The following PPP2R5C variants were observed in gnomAD, a reference collection of about 807,000 sequenced individuals.
PPP2R5C encodes serine/threonine-protein phosphatase 2A 56 kDa regulatory subunit gamma isoform.
PPP2R5C carries 7 observed loss-of-function variants against 68.9 expected under a neutral mutation model. The ratio of observed to expected loss-of-function variants is 0.10; its 90% CI spans 0.06 to 0.19. The LOEUF (loss-of-function observed/expected upper bound fraction) is 0.19. Ranked by LOEUF, PPP2R5C falls within the 10% of genes least tolerant of loss-of-function variation. The probability of loss-of-function intolerance (pLI) is 1.00; values close to 1 mark genes in which losing one functional copy is unlikely to be tolerated. For missense variants in PPP2R5C, 348 were observed against 641.3 expected (o/e 0.54, Z 4.94); for synonymous variants, 210 against 222.2 (o/e 0.95, Z 0.49).
chr14:101,793,594 G>A (rs1050736316), intron 3 of PPP2R5C, among the ~76,000 whole-genome samples: 1 of 152,194 alleles, frequency 6.6e-6, no homozygotes, highest in African/African-American at 2.4e-5. Context: ...GTCTTCAGGG[G>A]TCCCTGTGAT....
intron 1 of PPP2R5C, among the ~76,000 whole-genome samples, chr14:101,815,234 G>A (rs2039587874): frequency 6.6e-6 from 1 of 152,168 alleles, no homozygotes; most frequent in African/African-American, 2.4e-5. Context: ...TTGAGCCTCA[G>A]TCAGTCTGAT....
chr14:101,770,154 C>A (rs576941611), intron 2 of PPP2R5C, among the ~76,000 whole-genome samples: 1 of 152,184 alleles, frequency 6.6e-6, no homozygotes, highest in African/African-American at 2.4e-5. Context: ...CATTATGTGG[C>A]AGTGACTGTA....
intron 12 of PPP2R5C, chr14:101,914,312 A>G (rs2141132143): frequency 2.5e-6 from 1 of 393,650 alleles, no homozygotes; most frequent in Non-Finnish European, 5.1e-6. Flanking sequence ...GTCGCATGGC[A>G]CATGGTCTCC....
chr14:101,836,190 G>A (rs1179589344), intron 1 of PPP2R5C: 7 of 702,792 alleles, frequency 1.0e-5, no homozygotes, highest in Non-Finnish European at 1.8e-5. Context: ...AAGCTGGGCA[G>A]GGTTTCAGCT....
At chr14:101,883,206 C>A in intron 3 of PPP2R5C, 51 bp from the exon 6 acceptor site, 4 of 1,284,858 alleles carry the variant, frequency 3.1e-6, no homozygotes, top group East Asian at 4.7e-5. Flanking sequence ...ATTTTAACCG[C>A]CATTCAATAA....
intron 3 of PPP2R5C, 49 bp downstream of exon 3, chr14:101,786,232 A>T (rs767953177): frequency 9.7e-6 from 14 of 1,442,846 alleles, no homozygotes; most frequent in Non-Finnish European, 1.3e-5. Flanking sequence ...GTTGGAGTGA[A>T]GGAGCAATGT....
At chr14:101,871,376 T>C (rs1483588434) in intron 2 of PPP2R5C, among the ~76,000 whole-genome samples, 1 of 152,100 alleles carries the variant, frequency 6.6e-6, no homozygotes, top group Admixed American at 6.5e-5. Context: ...CCCAAGTAGC[T>C]GGGACTACAG....
intron 2 of PPP2R5C, among the ~76,000 whole-genome samples, chr14:101,773,047 C>T (rs2037234782): frequency 6.6e-6 from 1 of 152,178 alleles, no homozygotes; most frequent in Non-Finnish European, 1.5e-5. Flanking sequence ...GCCGATTTCT[C>T]TGACATTGCG....
chr14:101,921,906 A>G, intron 13 of PPP2R5C: 1 of 877,556 alleles, frequency 1.1e-6, no homozygotes, highest in Non-Finnish European at 1.4e-6. Flanking sequence ...AGAACATTCA[A>G]AGAAAACTAG....
chr14:101,897,745 A>G (rs2045435238), intron 8 of PPP2R5C, among the ~76,000 whole-genome samples: 1 of 151,902 alleles, frequency 6.6e-6, no homozygotes, highest in African/African-American at 2.4e-5. Context: ...GCATCCTTCA[A>G]TCCAAACAAG....
At chr14:101,836,503 GCAGATAGTT>G in intron 1 of PPP2R5C, 2 of 597,892 alleles carry the variant, frequency 3.3e-6, no homozygotes, top group South Asian at 4.0e-5. Context: ...GCCAGGATCT[GCAGATAGTT>G]CTTTTTCAAA....
chr14:101,897,858 T>G (rs1386779343), intron 8 of PPP2R5C, among the ~76,000 whole-genome samples: 1 of 151,692 alleles, frequency 6.6e-6, no homozygotes, highest in Admixed American at 6.6e-5. Context: ...CTTTTCCTAT[T>G]CAAAAATAAA....
At chr14:101,849,539 T>C (rs184056532) in intron 1 of PPP2R5C, among the ~76,000 whole-genome samples, 45 of 146,880 alleles carry the variant, frequency 3.1e-4, no homozygotes, top group African/African-American at 1.1e-3. Context: ...GTTTTCTTAC[T>C]GAGTTATTGG....
At chr14:101,872,518 G>T (rs530404342) in intron 2 of PPP2R5C, among the ~76,000 whole-genome samples, 1 of 152,162 alleles carries the variant, frequency 6.6e-6, no homozygotes, top group Non-Finnish European at 1.5e-5. Context: ...GAGTACAGGG[G>T]TGAGCCTGGT....
chr14:101,858,515 G>A (rs892049773), intron 2 of PPP2R5C, among the ~76,000 whole-genome samples: 2 of 148,364 alleles, frequency 1.3e-5, no homozygotes, highest in African/African-American at 2.5e-5. Context: ...TTTGTTTTTT[G>A]TTTTTTTTTA....
At chr14:101,763,198 T>C (rs78982132) in intron 2 of PPP2R5C, among the ~76,000 whole-genome samples, 9,962 of 152,126 alleles carry the variant, frequency 0.065, 359 homozygotes, top group East Asian at 0.15. Flanking sequence ...TGGGGTTTGT[T>C]TGTGGGTCTT....
rs1000238857 is a variant in PPP2R5C at position 101,781,458 on chromosome 14, C to T, written c.94-4560C>T. Among the ~76,000 whole-genome samples the T allele has an allele frequency of 1.3e-5, 2 of 152,176 alleles. No individual in the cohort carries two copies. Among genetic ancestry groups the T allele is most frequent in the South Asian group, 4.1e-4 (2 of 4,834 alleles). ...CCTCACTCCTGTTGTCGCTGCAGAC[C>T]CGCGTGGGCTCCCGCCGGGCCCTCC... On this transcript the variant is annotated intron_variant, in intron 2 of 14. Coordinates refer to the PPP2R5C transcript ENST00000328724. This position sits in a 1 kb window ranked among gnomAD's most constrained non-coding sequence, Gnocchi z 6.4.
At chr14:101,925,485 G>A (rs888885758) in exon 14 of PPP2R5C, 29 of 771,314 alleles carry the variant, frequency 3.8e-5, no homozygotes, top group African/African-American at 1.1e-4. Context: ...GGTTGACGAC[G>A]GTGTCCTCGC....
chr14:101,876,566 C>T (rs964831109), intron 2 of PPP2R5C, among the ~76,000 whole-genome samples: 3 of 152,102 alleles, frequency 2.0e-5, no homozygotes, highest in South Asian at 2.1e-4. Context: ...AAGAATTTTC[C>T]GTAAAGTTGC....
Sources: allele counts gnomAD v4.1 joint callset (sites outside exome capture counted in the v4.1 genomes callset), GRCh38; gene constraint gnomAD v4.1.1; non-coding constraint Gnocchi (gnomAD v3.1); transcripts MANE v1.5; gene names NCBI Gene and HGNC (gene_info 2026-07-23, HGNC 2026-07-21).